Variants in DUSP16 observed in about 807,000 individuals in gnomAD.
DUSP16 encodes dual specificity phosphatase 16.
Under a neutral mutation model 58.3 loss-of-function variants are expected in DUSP16, and 21 were observed. The observed-to-expected ratio is 0.36, with a 90% CI of 0.26 to 0.52. DUSP16 has a LOEUF of 0.52. Ranked by LOEUF, DUSP16 falls within the 20% of genes least tolerant of loss-of-function variation. The probability of loss-of-function intolerance (pLI) is 0.94; values close to 1 mark genes in which losing one functional copy is unlikely to be tolerated. For synonymous variants in DUSP16, 320 were observed against 323.8 expected (o/e 0.99, Z 0.12); for missense variants, 726 against 819.0 (o/e 0.89, Z 1.39).
intron 3 of DUSP16, among the ~76,000 whole-genome samples, chr12:12,509,493 A>C (rs143112599): frequency 5.3e-4 from 80 of 152,300 alleles, no homozygotes; most frequent in African/African-American, 1.7e-3. Flanking sequence ...AGAAAAAAAA[A>C]AAACAAACTT....
In DUSP16 at chr12:12,475,485, A is replaced by G. The variant is rs1943412358; in HGVS notation, c.*1348T>C. ...GACACGCCGGCCAGCGTTTCCAAAA[A>G]CAGCTTGGCCATGGCTTTGCACTCT... On this transcript the variant is annotated 3_prime_UTR_variant, in exon 7 of 7. Coordinates refer to ENST00000298573, the MANE Select transcript of DUSP16 (RefSeq NM_030640.3). The G allele has an allele frequency of 6.6e-6, 1 of 152,212 alleles. No individual in the cohort carries two copies. The allele number at this position is 152,212 out of a possible 1,614,324, so 9.4% of individuals were successfully genotyped here.
chr12:12,535,107 G>A (rs1944446345), intron 1 of DUSP16, among the ~76,000 whole-genome samples: 1 of 152,180 alleles, frequency 6.6e-6, no homozygotes, highest in Non-Finnish European at 1.5e-5. Context: ...AGAAAAAGCT[G>A]GCTTCATCAA....
At chr12:12,507,046 G>A (rs947417440) in intron 3 of DUSP16, among the ~76,000 whole-genome samples, 1 of 151,974 alleles carries the variant, frequency 6.6e-6, no homozygotes, top group East Asian at 1.9e-4. Flanking sequence ...TTCCATTTTG[G>A]GGGGGAAAAA....
intron 5 of DUSP16, among the ~76,000 whole-genome samples, chr12:12,482,942 G>C (rs754014196): frequency 3.9e-5 from 6 of 152,120 alleles, no homozygotes; most frequent in Non-Finnish European, 7.4e-5. Context: ...CAAACTCCTG[G>C]CCTCAAGCAA....
intron 4 of DUSP16, among the ~76,000 whole-genome samples, chr12:12,497,393 T>C (rs1943844570): frequency 6.6e-6 from 1 of 152,146 alleles, no homozygotes; most frequent in East Asian, 1.9e-4. Flanking sequence ...GAATTCCTTT[T>C]TCCAGAAGAT....
At chr12:12,547,374 C>T (rs940687528) in intron 1 of DUSP16, among the ~76,000 whole-genome samples, 1 of 149,202 alleles carries the variant, frequency 6.7e-6, no homozygotes, top group Admixed American at 6.7e-5. Context: ...TGCAGTGAGC[C>T]GAGATAGCGC....
At chr12:12,532,840 C>T (rs138863190) in intron 1 of DUSP16, among the ~76,000 whole-genome samples, 1 of 151,398 alleles carries the variant, frequency 6.6e-6, no homozygotes, top group Admixed American at 6.6e-5. Context: ...CCCAGCTATT[C>T]GGGAGGCTGA....
intron 4 of DUSP16, among the ~76,000 whole-genome samples, chr12:12,494,818 C>A (rs1943807019): frequency 6.6e-6 from 1 of 152,162 alleles, no homozygotes; most frequent in African/African-American, 2.4e-5. Flanking sequence ...GTTTTACTGC[C>A]AAGCTACAGA....
intron 1 of DUSP16, among the ~76,000 whole-genome samples, chr12:12,532,863 G>A (rs770796752): frequency 6.6e-6 from 1 of 151,570 alleles, no homozygotes; most frequent in Non-Finnish European, 1.5e-5. Flanking sequence ...CAGCAGAATC[G>A]CTTGAACCTG....
intron 1 of DUSP16, among the ~76,000 whole-genome samples, chr12:12,544,240 G>T (rs1944606889): frequency 6.6e-6 from 1 of 152,056 alleles, no homozygotes; most frequent in African/African-American, 2.4e-5. Flanking sequence ...TTTTGTGTCT[G>T]AACTGTTTTG....
chr12:12,523,957 T>C (rs1944269246), intron 1 of DUSP16, among the ~76,000 whole-genome samples: 1 of 152,220 alleles, frequency 6.6e-6, no homozygotes, highest in South Asian at 2.1e-4. Flanking sequence ...ACAATGGCAC[T>C]GGGTCTCTGA....
chr12:12,512,142 A>G (rs1432723248), intron 3 of DUSP16, among the ~76,000 whole-genome samples: 1 of 152,228 alleles, frequency 6.6e-6, no homozygotes, highest in African/African-American at 2.4e-5. Flanking sequence ...ATTCATGCCA[A>G]CTGAGACTCA....
intron 3 of DUSP16, among the ~76,000 whole-genome samples, chr12:12,517,108 G>C (rs936878970): frequency 6.6e-6 from 1 of 152,196 alleles, no homozygotes; most frequent in Non-Finnish European, 1.5e-5. Context: ...TCATTCTTCC[G>C]TGGGTAAGGT....
At chr12:12,547,093 A>C (rs570735548) in intron 1 of DUSP16, among the ~76,000 whole-genome samples, 1 of 152,298 alleles carries the variant, frequency 6.6e-6, no homozygotes, top group South Asian at 2.1e-4. Flanking sequence ...AGAAATAAAA[A>C]TTCACTGAAT....
chr12:12,502,872 C>A (rs1211207547), intron 3 of DUSP16, among the ~76,000 whole-genome samples: 1 of 152,138 alleles, frequency 6.6e-6, no homozygotes, highest in Admixed American at 6.5e-5. Context: ...TGTTATTTCA[C>A]ATTTCCATGC....
At chr12:12,480,876 G>T (rs1257062837) in intron 5 of DUSP16, among the ~76,000 whole-genome samples, 1 of 151,936 alleles carries the variant, frequency 6.6e-6, no homozygotes, top group Non-Finnish European at 1.5e-5. Context: ...GCAGCACCAC[G>T]CCTGGCTAAT....
intron 1 of DUSP16, among the ~76,000 whole-genome samples, chr12:12,549,273 C>T (rs1944692551): frequency 6.6e-6 from 1 of 151,996 alleles, no homozygotes; most frequent in Non-Finnish European, 1.5e-5. Flanking sequence ...TGGTAAGTTG[C>T]TAAAAGGCAG....
chr12:12,523,779 G>C (rs1211137621), intron 1 of DUSP16, among the ~76,000 whole-genome samples: 1 of 152,190 alleles, frequency 6.6e-6, no homozygotes, highest in African/African-American at 2.4e-5. Flanking sequence ...CCTGTATTCA[G>C]ATTGTCTGAT....
rs201749265 is a variant in DUSP16 at position 12,509,484 on chromosome 12, G to GA, written c.368-8803dup. Among the ~76,000 whole-genome samples, 376 of 139,110 alleles carry GA rather than the reference G, an allele frequency of 2.7e-3. 2 individuals carry two copies. The highest frequency in any genetic ancestry group is 5.4e-3 in the African/African-American group (203 of 37,722). The allele number at this position is 139,110 out of a possible 152,430, so 91.3% of individuals were successfully genotyped here. A position where few individuals can be genotyped will look rare whatever the true frequency, so the allele number is the denominator to read the frequency against. On this transcript the variant is annotated intron_variant, in intron 3 of 6. Coordinates refer to ENST00000298573, the MANE Select transcript of DUSP16 (RefSeq NM_030640.3). ...CTTCCCTAATTCTGTTGCGTTTAAA[G>GA]AAAAAAAAAAAACAAACTTCCTTGA...
Sources: allele counts gnomAD v4.1 joint callset (sites outside exome capture counted in the v4.1 genomes callset), GRCh38; gene constraint gnomAD v4.1.1; transcripts MANE v1.5; gene names NCBI Gene and HGNC (gene_info 2026-07-23, HGNC 2026-07-21).